The following SLC10A7 variants were observed in gnomAD, a reference collection of about 807,000 sequenced individuals.
SLC10A7 encodes sodium/bile acid cotransporter 7.
Under a neutral mutation model 43.2 loss-of-function variants are expected in SLC10A7, and 29 were observed. The ratio of observed to expected loss-of-function variants is 0.67; its 90% CI spans 0.50 to 0.92. The LOEUF is 0.92. Among genes scored for constraint, SLC10A7 ranks in the 40% least tolerant of loss-of-function variants. The pLI is 0.00. For synonymous variants in SLC10A7, 152 were observed against 144.8 expected (o/e 1.05, Z -0.35); for missense variants, 295 against 403.2 (o/e 0.73, Z 2.30).
At chr4:146,442,180 C>T (rs1160683186) in intron 5 of SLC10A7, 4 of 970,416 alleles carry the variant, frequency 4.1e-6, no homozygotes, top group African/African-American at 1.8e-5. Flanking sequence ...ATTAAAAATG[C>T]TAAAACAACG....
chr4:146,481,454 A>G (rs1450710830), intron 4 of SLC10A7, among the ~76,000 whole-genome samples: 1 of 152,126 alleles, frequency 6.6e-6, no homozygotes, highest in Non-Finnish European at 1.5e-5. Context: ...GGCCATGGCC[A>G]TGTTCTACCA....
In SLC10A7 at chr4:146,293,937, C is replaced by A. The variant is rs1730610760; in HGVS notation, c.714G>T (p.Leu238=). 6.2e-7 allele frequency: 1 copy of A among 1,608,166 alleles called. No individual in the cohort carries two copies. Among genetic ancestry groups the A allele is most frequent in the African/African-American group, 1.3e-5 (1 of 74,802 alleles). The change falls in exon 8 of 12, where the codon CTG becomes CTT. Residue 238 remains leucine (L), a synonymous_variant. Coordinates refer to ENST00000335472, the MANE Select transcript of SLC10A7 (RefSeq NM_001029998.6). ...DLDKFSLVLI[L]FIIFSIQLSF... ...TCCCATTTTCCAACTTACTTATGAA[C>A]AGTATGAGAACAAGGCTGAATTTAT...
intron 10 of SLC10A7, among the ~76,000 whole-genome samples, chr4:146,262,161 CT>C (rs1230206149): frequency 6.6e-6 from 1 of 152,222 alleles, no homozygotes; most frequent in Non-Finnish European, 1.5e-5. Flanking sequence ...CTTTCAACCT[CT>C]CCCCCACTTC....
intron 4 of SLC10A7, among the ~76,000 whole-genome samples, chr4:146,496,352 AG>A (rs780272754): frequency 2.0e-5 from 3 of 152,110 alleles, no homozygotes; most frequent in Non-Finnish European, 2.9e-5. Context: ...GACACAGACA[AG>A]GGGGCCTCAA....
At position 146,471,207 on chromosome 4, in the gene SLC10A7, A is replaced by G. The variant is rs568006803; in HGVS notation, c.397-28386T>C. On this transcript the variant is annotated intron_variant, in intron 4 of 11. Coordinates refer to ENST00000335472, the MANE Select transcript of SLC10A7 (RefSeq NM_001029998.6). ...CATTTTCTATGAGTGTCATGTTGCCATTCAAAATGTTTCAGATTTTCAGAA... is the reference window on the plus strand; with the variant it reads ...CATTTTCTATGAGTGTCATGTTGCCGTTCAAAATGTTTCAGATTTTCAGAA... 3.9e-5 allele frequency among the ~76,000 whole-genome samples: 6 copies of G among 152,298 alleles called. No homozygotes were observed. The East Asian group carries it at 7.7e-4, about 20-fold the overall frequency.
chr4:146,339,145 A>G (rs1205371659), intron 5 of SLC10A7, among the ~76,000 whole-genome samples: 1 of 151,984 alleles, frequency 6.6e-6, no homozygotes, highest in Non-Finnish European at 1.5e-5. Context: ...TCTCTTTTAT[A>G]TAAGACACTC....
At chr4:146,431,171 C>T (rs1051300306) in intron 5 of SLC10A7, among the ~76,000 whole-genome samples, 1 of 151,976 alleles carries the variant, frequency 6.6e-6, no homozygotes, top group Non-Finnish European at 1.5e-5. Flanking sequence ...TGTGTGATAT[C>T]CTAAGATAGA....
chr4:146,328,831 C>A (rs1444880944), intron 5 of SLC10A7, among the ~76,000 whole-genome samples: 1 of 152,124 alleles, frequency 6.6e-6, no homozygotes, highest in Non-Finnish European at 1.5e-5. Flanking sequence ...TCTTTCCCTA[C>A]TAAAGCCAAT....
At chr4:146,281,965 C>T (rs1341756062) in intron 10 of SLC10A7, among the ~76,000 whole-genome samples, 2 of 152,044 alleles carry the variant, frequency 1.3e-5, no homozygotes, top group Non-Finnish European at 2.9e-5. Context: ...AAGTGCTGTG[C>T]CAGGTACTTA....
intron 11 of SLC10A7, chr4:146,256,742 T>TC (rs1289960498): frequency 5.2e-6 from 6 of 1,161,192 alleles, no homozygotes; most frequent in East Asian, 5.1e-5. Flanking sequence ...GCCTGGCTAC[T>TC]CGTATGGTTC....
chr4:146,361,034 C>T (rs1339655770), intron 5 of SLC10A7, among the ~76,000 whole-genome samples: 1 of 152,128 alleles, frequency 6.6e-6, no homozygotes, highest in Non-Finnish European at 1.5e-5. Flanking sequence ...CCTCATCTTT[C>T]AGGTATCAGC....
Position 146,420,974 on chromosome 4 carries a change from A to G in SLC10A7, c.435+21809T>C, listed in dbSNP as rs543989615. On this transcript the variant is annotated intron_variant, in intron 5 of 11. Transcript: ENST00000335472. ...CCCTGGAGGTTGAGGCTGCAGTGAC[A>G]TATAATTGCACCACTGTACTCCAGC... Among the ~76,000 whole-genome samples the G allele has an allele frequency of 2.6e-5, 4 of 152,192 alleles. No homozygotes were observed. The South Asian group carries it at 6.2e-4, about 24-fold the overall frequency.
chr4:146,486,075 A>T (rs1295505368), intron 4 of SLC10A7, among the ~76,000 whole-genome samples: 2 of 152,254 alleles, frequency 1.3e-5, no homozygotes, highest in African/African-American at 4.8e-5. Flanking sequence ...AGAGAATACT[A>T]AATCTTTTTT....
intron 4 of SLC10A7, among the ~76,000 whole-genome samples, chr4:146,467,141 T>C (rs181268085): frequency 6.6e-6 from 1 of 152,306 alleles, no homozygotes; most frequent in East Asian, 1.9e-4. Flanking sequence ...AGTAAAGATC[T>C]GGTGTATTAA....
chr4:146,358,957 C>T (rs1450276636), intron 5 of SLC10A7, among the ~76,000 whole-genome samples: 1 of 152,108 alleles, frequency 6.6e-6, no homozygotes, highest in Non-Finnish European at 1.5e-5. Context: ...CAAACAATTT[C>T]CCAAAGTACT....
At chr4:146,291,705 T>C (rs1334765566) in intron 9 of SLC10A7, among the ~76,000 whole-genome samples, 1 of 152,138 alleles carries the variant, frequency 6.6e-6, no homozygotes, top group East Asian at 1.9e-4. Flanking sequence ...CCTCTTGGCA[T>C]CTCTAACTGC....
chr4:146,256,860 C>T (rs1209054083), intron 11 of SLC10A7: 3 of 1,535,950 alleles, frequency 2.0e-6, no homozygotes, highest in African/African-American at 1.4e-5. Context: ...ATTTTAATGC[C>T]CAAATTTGAT....
At chr4:146,459,634 ACT>A (rs1360947983) in intron 4 of SLC10A7, among the ~76,000 whole-genome samples, 20 of 151,348 alleles carry the variant, frequency 1.3e-4, no homozygotes, top group African/African-American at 4.8e-4. Flanking sequence ...AAAACGAAAA[ACT>A]CTGATGCTTA....
At chr4:146,503,796 AAATAAAAG>A in intron 4 of SLC10A7, 45 bp downstream of exon 4, 2 of 1,519,464 alleles carry the variant, frequency 1.3e-6, no homozygotes, top group Non-Finnish European at 1.8e-6. Context: ...TATATTTTTG[AAATAAAAG>A]CACAGCATGC....
Sources: allele counts gnomAD v4.1 joint callset (sites outside exome capture counted in the v4.1 genomes callset), GRCh38; gene constraint gnomAD v4.1.1; transcripts MANE v1.5; gene names NCBI Gene and HGNC (gene_info 2026-07-23, HGNC 2026-07-21).